The following ESRRG variants were observed in gnomAD, a reference collection of about 807,000 sequenced individuals.
The protein encoded by ESRRG is estrogen-related receptor gamma.
Under a neutral mutation model 44.0 loss-of-function variants are expected in ESRRG, and 13 were observed. The ratio of observed to expected loss-of-function variants is 0.30; its 90% confidence interval spans 0.19 to 0.47. The LOEUF (loss-of-function observed/expected upper bound fraction) is 0.47, where lower values mean the gene tolerates loss of function less well. ESRRG is among the 20% of genes least tolerant of loss of function. The pLI is 1.00. For synonymous variants in ESRRG, 215 were observed against 214.6 expected, an observed-to-expected ratio of 1.00 and a Z score of -0.02; for missense variants, 395 against 580.6, an observed-to-expected ratio of 0.68 and a Z score of 3.29.
intron 2 of ESRRG, chr1:216,864,242 C>T (rs1408068637): frequency 6.6e-6 from 1 of 151,344 alleles, no homozygotes; most frequent in African/African-American, 2.4e-5. Context: ...TTCCCAATTC[C>T]TACTCATGCA....
At chr1:216,978,829 A>G (rs894297965) in intron 1 of ESRRG, among the ~76,000 whole-genome samples, 5 of 152,164 alleles carry the variant, frequency 3.3e-5, no homozygotes, top group Non-Finnish European at 7.3e-5. Context: ...AAGGAGGCCA[A>G]GGTCTCTTTC....
chr1:216,557,575 T>C (rs1398763708), intron 5 of ESRRG, among the ~76,000 whole-genome samples: 1 of 152,164 alleles, frequency 6.6e-6, no homozygotes, highest in Non-Finnish European at 1.5e-5. Context: ...ACCTACAGAA[T>C]TGTTGTGGAC....
intron 1 of ESRRG, among the ~76,000 whole-genome samples, chr1:217,054,585 C>T (rs996679725): frequency 3.9e-5 from 6 of 152,080 alleles, no homozygotes; most frequent in Non-Finnish European, 7.4e-5. Context: ...AAACAGTCTC[C>T]CTTCGAGGAG....
intron 1 of ESRRG, among the ~76,000 whole-genome samples, chr1:216,689,057 A>G (rs899336071): frequency 1.3e-5 from 2 of 152,198 alleles, no homozygotes; most frequent in African/African-American, 4.8e-5. Context: ...CTCTTAGCCA[A>G]TATAATAACT....
At chr1:216,724,670 G>GT (rs1361007778), upstream of ESRRG, among the ~76,000 whole-genome samples, 1 of 151,932 alleles carries the variant, frequency 6.6e-6, no homozygotes, top group Non-Finnish European at 1.5e-5. Context: ...AATCAAAAGT[G>GT]TTCAAAAAAA....
intron 2 of ESRRG, among the ~76,000 whole-genome samples, chr1:216,826,929 G>A (rs998112568): frequency 2.0e-5 from 3 of 152,108 alleles, no homozygotes; most frequent in African/African-American, 7.2e-5. Context: ...ATTTTCATGA[G>A]GGCCCTTTAA....
chr1:216,798,019 G>A (rs1411505748), intron 2 of ESRRG, among the ~76,000 whole-genome samples: 1 of 152,102 alleles, frequency 6.6e-6, no homozygotes, highest in African/African-American at 2.4e-5. Context: ...CCAAAAGTAA[G>A]CAGTATGGTT....
chr1:216,847,092 C>T (rs576303996), intron 2 of ESRRG, among the ~76,000 whole-genome samples: 2 of 151,928 alleles, frequency 1.3e-5, no homozygotes, highest in Non-Finnish European at 2.9e-5. Flanking sequence ...AGATAAGAGG[C>T]TTGTTAATCA....
intron 3 of ESRRG, among the ~76,000 whole-genome samples, chr1:216,602,519 T>C (rs1430391991): frequency 4.6e-5 from 7 of 152,226 alleles, no homozygotes; most frequent in Non-Finnish European, 1.0e-4. Flanking sequence ...TGAACTATTG[T>C]GTCAGTTTAA....
intron 1 of ESRRG, among the ~76,000 whole-genome samples, chr1:217,045,297 A>G (rs2084667814): frequency 6.6e-6 from 1 of 152,210 alleles, no homozygotes; most frequent in African/African-American, 2.4e-5. Flanking sequence ...AACGACAAAA[A>G]CCCCATAAGA....
rs189336985 is a variant in ESRRG, at chr1:216,670,166, T to C, written c.472+6910A>G. On this transcript the variant is annotated intron_variant, in intron 2 of 6. Coordinates refer to ENST00000408911, the MANE Select transcript of ESRRG (RefSeq NM_001438.4). Reference sequence around the variant, plus strand: ...TTTGGAAAGTTCATATCATGTACACTCAATTTGTAAGTTCTTATTTTCTCT... The same window carrying C: ...TTTGGAAAGTTCATATCATGTACACCCAATTTGTAAGTTCTTATTTTCTCT... Among the ~76,000 whole-genome samples the C allele has an allele frequency of 1.8e-4, 27 of 152,352 alleles. No individual in the cohort carries two copies. The East Asian group carries it at 5.2e-3, about 29-fold the overall frequency.
chr1:217,044,992 G>A (rs1358446428), intron 1 of ESRRG, among the ~76,000 whole-genome samples: 2 of 152,142 alleles, frequency 1.3e-5, no homozygotes. Flanking sequence ...AAAGAGAAAT[G>A]AGCCCATTGT....
chr1:217,042,438 G>A (rs1356706544), intron 1 of ESRRG, among the ~76,000 whole-genome samples: 1 of 147,746 alleles, frequency 6.8e-6, no homozygotes, highest in African/African-American at 2.5e-5. Flanking sequence ...TAGGAGGAAA[G>A]TAAAGGAAAA....
intron 2 of ESRRG, among the ~76,000 whole-genome samples, chr1:216,745,721 G>A (rs546060009): frequency 2.6e-5 from 4 of 152,096 alleles, no homozygotes; most frequent in Non-Finnish European, 5.9e-5. Context: ...GTTTGTCCTT[G>A]AGAAAGTTAC....
chr1:216,568,173 C>T, intron 3 of ESRRG, 75 bp from the exon 4 acceptor site: 2 of 986,608 alleles, frequency 2.0e-6, no homozygotes, highest in Admixed American at 1.7e-5. Context: ...TAGATGGTAT[C>T]CCCCAAGAGC....
intron 1 of ESRRG, among the ~76,000 whole-genome samples, chr1:217,006,916 T>C (rs2077827199): frequency 6.6e-6 from 1 of 152,114 alleles, no homozygotes; most frequent in Non-Finnish European, 1.5e-5. Flanking sequence ...AGTAATTTTT[T>C]AGCTGCTGTG....
At chr1:217,085,069 T>C (rs1320972841) in intron 1 of ESRRG, among the ~76,000 whole-genome samples, 1 of 151,858 alleles carries the variant, frequency 6.6e-6, no homozygotes, top group East Asian at 1.9e-4. Context: ...GGGGGCAAGC[T>C]AAGGAGAGAG....
intron 2 of ESRRG, among the ~76,000 whole-genome samples, chr1:216,890,955 A>G (rs1274000577): frequency 6.6e-6 from 1 of 152,278 alleles, no homozygotes. Flanking sequence ...AATAACTTCT[A>G]GGGAAGAAGA....
intron 2 of ESRRG, among the ~76,000 whole-genome samples, chr1:216,838,781 A>AGT (rs2095606953): frequency 1.3e-5 from 2 of 152,214 alleles, no homozygotes; most frequent in African/African-American, 4.8e-5. Context: ...ACCATAATAT[A>AGT]GTGTGCAATA....
Sources: allele counts gnomAD v4.1 joint callset (sites outside exome capture counted in the v4.1 genomes callset), GRCh38; gene constraint gnomAD v4.1.1; transcripts MANE v1.5; gene names NCBI Gene and HGNC (gene_info 2026-07-23, HGNC 2026-07-21).